MTARC2: variants seen among roughly 807,000 people sequenced by gnomAD.
MTARC2 encodes the protein MOCO sulphurase C-terminal domain containing 2.
MTARC2 carries 27 observed loss-of-function variants against 35.6 expected under a neutral mutation model. That is an observed-to-expected ratio of 0.76 (90% CI 0.56 to 1.04). The LOEUF is 1.04. Ranked by LOEUF, MTARC2 falls within the 50% of genes least tolerant of loss-of-function variation. The probability of loss-of-function intolerance (pLI) is 0.00; values close to 1 mark genes in which losing one functional copy is unlikely to be tolerated. For missense variants in MTARC2, 412 were observed against 432.5 expected (o/e 0.95, Z 0.42); for synonymous variants, 158 against 167.1 (o/e 0.95, Z 0.42).
At chr1:220,765,199 G>A (rs1671548665) in intron 4 of MTARC2, among the ~76,000 whole-genome samples, 2 of 152,158 alleles carry the variant, frequency 1.3e-5, no homozygotes, top group African/African-American at 2.4e-5. Context: ...GGTCAGAGGA[G>A]GGTCTTTATG....
intron 4 of MTARC2, among the ~76,000 whole-genome samples, chr1:220,778,519 G>T (rs142650604): frequency 6.6e-6 from 1 of 152,266 alleles, no homozygotes; most frequent in Non-Finnish European, 1.5e-5. Flanking sequence ...AACCATTCAT[G>T]AAAGATCCAC....
intron 4 of MTARC2, among the ~76,000 whole-genome samples, chr1:220,771,621 A>C (rs1249572590): frequency 6.6e-6 from 1 of 152,164 alleles, no homozygotes; most frequent in Non-Finnish European, 1.5e-5. Context: ...TCAGATAGTT[A>C]ATTTTTTTCT....
chr1:220,753,583 G>A (rs1671192089), intron 1 of MTARC2, among the ~76,000 whole-genome samples: 2 of 152,154 alleles, frequency 1.3e-5, no homozygotes, highest in South Asian at 2.1e-4. Flanking sequence ...TTCCCTGATG[G>A]CTCTGGTCAT....
intron 2 of MTARC2, among the ~76,000 whole-genome samples, chr1:220,756,122 C>T (rs1671273868): frequency 1.3e-5 from 2 of 152,198 alleles, no homozygotes; most frequent in South Asian, 2.1e-4. Context: ...GCCTTGGCTT[C>T]CTTTTGGCCT....
chr1:220,765,918 T>G (rs899435584), intron 4 of MTARC2, among the ~76,000 whole-genome samples: 2 of 152,186 alleles, frequency 1.3e-5, no homozygotes, highest in Non-Finnish European at 2.9e-5. Flanking sequence ...TAGCAGGCCC[T>G]ACCTGAAACC....
At chr1:220,770,140 AC>A in intron 4 of MTARC2, among the ~76,000 whole-genome samples, 1 of 152,032 alleles carries the variant, frequency 6.6e-6, no homozygotes, top group Non-Finnish European at 1.5e-5. Context: ...AACAAAACAA[AC>A]AAAAACTCAT....
chr1:220,759,432 G>C (rs1176147924), intron 2 of MTARC2, among the ~76,000 whole-genome samples: 1 of 152,184 alleles, frequency 6.6e-6, no homozygotes, highest in African/African-American at 2.4e-5. Flanking sequence ...GCATGGCAGA[G>C]GGAGCGATAC....
At chr1:220,779,327 G>C (rs1442451735) in intron 4 of MTARC2, among the ~76,000 whole-genome samples, 1 of 152,152 alleles carries the variant, frequency 6.6e-6, no homozygotes, top group Non-Finnish European at 1.5e-5. Flanking sequence ...TTCAGAATCA[G>C]TAAGATTTCA....
At chr1:220,757,462 T>A (rs570248812) in intron 2 of MTARC2, among the ~76,000 whole-genome samples, 1 of 152,332 alleles carries the variant, frequency 6.6e-6, no homozygotes, top group East Asian at 1.9e-4. Flanking sequence ...ACATAGATAG[T>A]GTGTTTAGCT....
At chr1:220,750,903 T>A (rs1671107468) in intron 1 of MTARC2, among the ~76,000 whole-genome samples, 1 of 152,242 alleles carries the variant, frequency 6.6e-6, no homozygotes, top group Non-Finnish European at 1.5e-5. Context: ...AGGATTGCAC[T>A]GAGGATCAGG....
intron 4 of MTARC2, among the ~76,000 whole-genome samples, chr1:220,777,802 G>A (rs965943577): frequency 1.3e-5 from 2 of 152,106 alleles, no homozygotes; most frequent in African/African-American, 4.8e-5. Flanking sequence ...ATCCCCTCCC[G>A]TGTGCAGATG....
intron 4 of MTARC2, among the ~76,000 whole-genome samples, chr1:220,772,792 T>C (rs1671780887): frequency 6.6e-6 from 1 of 152,166 alleles, no homozygotes; most frequent in South Asian, 2.1e-4. Context: ...GCATGGTCTT[T>C]CTTTATAAGA....
At chr1:220,781,754 T>A (rs1672077266) in intron 6 of MTARC2, 24 bp from the exon 7 acceptor site, 2 of 1,613,364 alleles carry the variant, frequency 1.2e-6, no homozygotes, top group Non-Finnish European at 1.7e-6. Context: ...TTGTGTCTGA[T>A]GATTGAATTT....
chr1:220,773,415 C>T (rs536658402), intron 4 of MTARC2, among the ~76,000 whole-genome samples: 3 of 152,292 alleles, frequency 2.0e-5, no homozygotes, highest in Non-Finnish European at 2.9e-5. Context: ...TCCTGACTTG[C>T]GTCCTTTATA....
chr1:220,772,651 G>C (rs1174596542), intron 4 of MTARC2, among the ~76,000 whole-genome samples: 1 of 151,840 alleles, frequency 6.6e-6, no homozygotes, highest in Non-Finnish European at 1.5e-5. Context: ...CAGACTTGAA[G>C]GATCCCAGTG....
rs1365583602 is a variant in MTARC2, at chr1:220,763,191, C to A, written c.750+141C>A. On this transcript the variant is annotated intron_variant, in intron 4 of 7. Transcript: ENST00000366913. ...TGCTGCTGCCATCACTCATTGCTTG[C>A]GGAGTTGTTCACCCATTGTTGCTGC... The A allele has an allele frequency of 5.7e-6, 7 of 1,224,882 alleles. No individual in the cohort carries two copies. In the East Asian group the frequency reaches 7.5e-5, roughly 13 times the overall value. The allele number at this position is 1,224,882 out of a possible 1,614,324, so 75.9% of individuals were successfully genotyped here. A position where few individuals can be genotyped will look rare whatever the true frequency, so the allele number is the denominator to read the frequency against.
intron 7 of MTARC2, among the ~76,000 whole-genome samples, chr1:220,783,664 C>A (rs969682073): frequency 6.6e-6 from 1 of 152,162 alleles, no homozygotes. Flanking sequence ...TAATCTTTAT[C>A]TGTGAGAGGA....
chr1:220,761,200 A>T (rs1671426542), intron 2 of MTARC2, among the ~76,000 whole-genome samples: 2 of 152,204 alleles, frequency 1.3e-5, no homozygotes. Context: ...AGGTCAGAGG[A>T]GTTAAATGAT....
intron 7 of MTARC2, among the ~76,000 whole-genome samples, chr1:220,783,599 T>C (rs1672141112): frequency 6.6e-6 from 1 of 152,242 alleles, no homozygotes; most frequent in African/African-American, 2.4e-5. Context: ...AACAAACATC[T>C]GTGGTTCACT....
Sources: gnomAD v4.1 joint callset for allele counts (sites outside exome capture counted in the v4.1 genomes callset) on GRCh38, gnomAD v4.1.1 for gene constraint, MANE v1.5 for transcripts, NCBI Gene and HGNC (gene_info 2026-07-23, HGNC 2026-07-21) for gene names.